The following DZANK1 variants were observed in gnomAD, a reference collection of about 807,000 sequenced individuals.
DZANK1 encodes the protein double zinc ribbon and ankyrin repeat domains 1.
DZANK1 carries 91 observed loss-of-function variants against 94.5 expected under a neutral mutation model. The ratio of observed to expected loss-of-function variants is 0.96; its 90% CI spans 0.81 to 1.15. The LOEUF (loss-of-function observed/expected upper bound fraction) is 1.15. DZANK1 is among the 50% of genes most tolerant of loss of function. DZANK1 has a pLI of 0.00. For synonymous variants in DZANK1, 312 were observed against 325.3 expected (o/e 0.96, Z 0.44); for missense variants, 903 against 916.4 (o/e 0.99, Z 0.19).
chr20:18,432,456 A>G (rs2058322096), intron 9 of DZANK1: 1 of 152,194 alleles, frequency 6.6e-6, no homozygotes, highest in Admixed American at 6.5e-5. Context: ...AAGATTGAAA[A>G]TAGTCATTGA....
At chr20:18,394,546 C>A in intron 15 of DZANK1, 196 bp from the exon 16 acceptor site, 2 of 689,244 alleles carry the variant, frequency 2.9e-6, no homozygotes, top group Non-Finnish European at 5.3e-6. Flanking sequence ...GCCCCTTACC[C>A]GCGGCTCAGT....
chr20:18,403,802 T>C (rs969762076), intron 13 of DZANK1, among the ~76,000 whole-genome samples: 7 of 147,152 alleles, frequency 4.8e-5, no homozygotes, highest in East Asian at 3.9e-4. Context: ...CTTTCTTTTT[T>C]TTTTTTTTTT....
At chr20:18,462,964 GAAAT>G (rs2059526149) in intron 2 of DZANK1, among the ~76,000 whole-genome samples, 1 of 133,666 alleles carries the variant, frequency 7.5e-6, no homozygotes, top group Non-Finnish European at 1.6e-5. Flanking sequence ...AAAAAAGAAA[GAAAT>G]AAGAGTTGAA....
At chr20:18,395,294 G>T (rs1315434876) in intron 15 of DZANK1, among the ~76,000 whole-genome samples, 1 of 152,218 alleles carries the variant, frequency 6.6e-6, no homozygotes, top group Non-Finnish European at 1.5e-5. Context: ...CCAGGAGGGG[G>T]AGGTTTGCAG....
chr20:18,386,724 G>C (rs1488359979), intron 19 of DZANK1, among the ~76,000 whole-genome samples: 1 of 152,098 alleles, frequency 6.6e-6, no homozygotes, highest in African/African-American at 2.4e-5. Context: ...GAAAAATGGA[G>C]GGGAGAAAAT....
chr20:18,423,434 A>G (rs939751190), intron 10 of DZANK1, among the ~76,000 whole-genome samples: 35 of 152,248 alleles, frequency 2.3e-4, no homozygotes, highest in Non-Finnish European at 2.9e-5. Context: ...TAGAAAAACT[A>G]GACAAAAATA....
rs773772932 is a variant in DZANK1 at position 18,453,757 on chromosome 20, C to T, written c.449G>A (p.Trp150Ter). 1.4e-5 allele frequency: 22 copies of T among 1,612,674 alleles called. No homozygotes were observed. Among genetic ancestry groups the T allele is most frequent in the Non-Finnish European group, 1.8e-5 (21 of 1,179,056 alleles). ...TGGAAACTTTCTAAGGTTAACATTCCAGCTGCGTTGATTTTCAGAGTTCTT... is the reference window on the plus strand; with the variant it reads ...TGGAAACTTTCTAAGGTTAACATTCTAGCTGCGTTGATTTTCAGAGTTCTT... Residue 150 changes from tryptophan (W) to a stop codon, truncating the protein, a stop_gained, in exon 5 of 21, where the codon TGG becomes TAG. Coordinates refer to ENST00000262547, the Ensembl canonical transcript of DZANK1. LOFTEE classifies it high-confidence loss of function.
chr20:18,446,536 A>G (rs2058888696), intron 7 of DZANK1, among the ~76,000 whole-genome samples: 1 of 152,222 alleles, frequency 6.6e-6, no homozygotes, highest in African/African-American at 2.4e-5. Context: ...CCTATGCTAG[A>G]AAAGAAGAAA....
At chr20:18,391,410 T>C (rs2055977692) in intron 17 of DZANK1, among the ~76,000 whole-genome samples, 1 of 152,126 alleles carries the variant, frequency 6.6e-6, no homozygotes, top group Non-Finnish European at 1.5e-5. Context: ...ATTTTTTGTA[T>C]TTTTAATAGA....
chr20:18,396,315 T>C (rs916483099), intron 15 of DZANK1, among the ~76,000 whole-genome samples, 157 bp downstream of exon 15: 1 of 152,262 alleles, frequency 6.6e-6, no homozygotes, highest in Admixed American at 6.5e-5. Flanking sequence ...GAGGTTTAAC[T>C]TGTTTATCTA....
chr20:18,419,349 G>A (rs1350655834), intron 10 of DZANK1, among the ~76,000 whole-genome samples: 3 of 151,944 alleles, frequency 2.0e-5, no homozygotes, highest in Non-Finnish European at 2.9e-5. Flanking sequence ...ACTTCCAGAC[G>A]GAGAGTAGAA....
At chr20:18,393,611 A>G (rs2056146875) in intron 17 of DZANK1, 100 bp downstream of exon 17, 7 of 773,346 alleles carry the variant, frequency 9.1e-6, no homozygotes, top group Non-Finnish European at 1.4e-5. Flanking sequence ...AAAGGAACAG[A>G]AAATGAGAAA....
At chr20:18,461,177 C>A (rs2059459558) in intron 2 of DZANK1, among the ~76,000 whole-genome samples, 2 of 152,268 alleles carry the variant, frequency 1.3e-5, no homozygotes, top group African/African-American at 4.8e-5. Context: ...TCTTCAGTAA[C>A]CTTCAAAAAT....
At chr20:18,417,042 A>AAC (rs2057528853) in intron 10 of DZANK1, among the ~76,000 whole-genome samples, 1 of 151,560 alleles carries the variant, frequency 6.6e-6, no homozygotes. Context: ...AACAAAAAAA[A>AAC]AAAAGAAGAG....
chr20:18,422,820 A>T, intron 10 of DZANK1, among the ~76,000 whole-genome samples: 1 of 44,060 alleles, frequency 2.3e-5, no homozygotes, highest in Non-Finnish European at 6.8e-5. Context: ...TTTTTCTCAA[A>T]ATTGATTTGG....
At position 18,406,596 on chromosome 20, in the gene DZANK1, A is replaced by G. The variant is rs188659010; in HGVS notation, c.1432+6050T>C. Among the ~76,000 whole-genome samples the G allele has an allele frequency of 2.9e-4, 44 of 152,374 alleles. No individual in the cohort carries two copies. In the East Asian group the frequency reaches 8.5e-3, roughly 29 times the overall value. The stretch of plus-strand genomic sequence containing the variant: ...TTGTGCTCTAATATGTGCTAACTTC[A>G]GGGAAGACCCAGCACATTCCAAGTT... On this transcript the variant is annotated intron_variant, in intron 13 of 20. Coordinates refer to ENST00000262547, the Ensembl canonical transcript of DZANK1.
intron 3 of DZANK1, among the ~76,000 whole-genome samples, chr20:18,458,309 T>C (rs1252212980): frequency 6.6e-6 from 1 of 152,222 alleles, no homozygotes; most frequent in Non-Finnish European, 1.5e-5. Context: ...TTGTTGTTTT[T>C]TTTAAAGAAG....
intron 6 of DZANK1, among the ~76,000 whole-genome samples, chr20:18,451,422 A>C (rs1039137730): frequency 6.6e-6 from 1 of 151,934 alleles, no homozygotes. Flanking sequence ...CTTTCTTTCT[A>C]CTTTCAGGCT....
intron 15 of DZANK1, chr20:18,394,662 C>A: frequency 1.8e-6 from 1 of 570,882 alleles, no homozygotes; most frequent in South Asian, 1.4e-5. Flanking sequence ...CTGCATGTGG[C>A]TGTCCCAGTC....
Sources: gnomAD v4.1 joint callset for allele counts (sites outside exome capture counted in the v4.1 genomes callset) on GRCh38, gnomAD v4.1.1 for gene constraint, MANE v1.5 for transcripts, NCBI Gene and HGNC (gene_info 2026-07-23, HGNC 2026-07-21) for gene names.